MGAM: variants seen among roughly 807,000 people sequenced by gnomAD.
MGAM encodes the protein alpha-1,4-glucosidase.
Under a neutral mutation model 358.8 loss-of-function variants are expected in MGAM, and 253 were observed. The ratio of observed to expected loss-of-function variants is 0.71; its 90% confidence interval spans 0.64 to 0.78. The LOEUF is 0.78. Ranked by LOEUF, MGAM falls within the 30% of genes least tolerant of loss-of-function variation. MGAM has a pLI of 0.00. For missense variants in MGAM, 3,080 were observed against 3,432.6 expected, an observed-to-expected ratio of 0.90 and a Z score of 2.57; for synonymous variants, 1,105 against 1,227.1, an observed-to-expected ratio of 0.90 and a Z score of 2.08.
Position 142,030,504 on chromosome 7 carries a change from C to T in MGAM, c.1353+11C>T. The stretch of plus-strand genomic sequence containing the variant: ...CTTGTCATCATTGTGGTATGTACTG[C>T]CCTCTTTCCACCAAATTAGGTATTT... On this transcript the variant is annotated intron_variant, in intron 11 of 70. Coordinates refer to ENST00000475668, the MANE Select transcript of MGAM (RefSeq NM_001365693.1). 1 of 1,613,326 alleles carries T rather than the reference C, an allele frequency of 6.2e-7. No homozygotes were observed. The highest frequency in any genetic ancestry group is 8.5e-7 in the Non-Finnish European group (1 of 1,179,544).
At chr7:141,988,865 C>T (rs1371007109) in intron 2 of MGAM, among the ~76,000 whole-genome samples, 6 of 152,274 alleles carry the variant, frequency 3.9e-5, no homozygotes, top group Middle Eastern at 3.4e-3. Flanking sequence ...CCACTCTCAC[C>T]TTCCTCTGAA....
At chr7:142,034,431 A>G (rs1807797598) in intron 15 of MGAM, 52 bp downstream of exon 15, 33 of 1,279,092 alleles carry the variant, frequency 2.6e-5, no homozygotes, top group Non-Finnish European at 3.5e-5. Context: ...AAGAATATAT[A>G]TATGTTTTTA....
At chr7:142,075,512 G>A (rs1031142602) in intron 45 of MGAM, among the ~76,000 whole-genome samples, 2 of 146,334 alleles carry the variant, frequency 1.4e-5, no homozygotes, top group African/African-American at 2.4e-5. Flanking sequence ...ACTACAGAAT[G>A]GATAAAAATG....
intron 1 of MGAM, among the ~76,000 whole-genome samples, chr7:141,997,928 A>G (rs1190347868): frequency 6.6e-6 from 1 of 152,210 alleles, no homozygotes; most frequent in African/African-American, 2.4e-5. Flanking sequence ...TTCTTAGTCT[A>G]TCTATCCACA....
chr7:141,994,515 G>A (rs781997671), upstream of MGAM, among the ~76,000 whole-genome samples: 1 of 152,212 alleles, frequency 6.6e-6, no homozygotes, highest in Admixed American at 6.5e-5. Context: ...TCAAGACTAG[G>A]TGGTGTCTGT....
chr7:142,106,147 A>C lies in MGAM; in HGVS notation c.*256A>C. The C allele has an allele frequency of 3.4e-6, 1 of 293,734 alleles. No individual in the cohort carries two copies. The highest frequency in any genetic ancestry group is 4.4e-5 in the South Asian group (1 of 22,864). 18.2% of individuals were successfully genotyped at this position (293,734 alleles called of 1,614,324 possible). On this transcript the variant is annotated 3_prime_UTR_variant, in exon 71 of 71. Coordinates refer to ENST00000475668, the MANE Select transcript of MGAM (RefSeq NM_001365693.1). ...GTGGTTAGTATGGTAGTGACTGTTC[A>C]TCATATGACATTTACTGAAGATGAA...
Position 142,082,179 on chromosome 7 carries a change from G to A in MGAM, c.6140G>A (p.Trp2047Ter), listed in dbSNP as rs745514815. ...AGGAGAGACTTGGAGTGGCACACTT[G>A]GGGGATGTTCTCCCGAGACCAGCCC... is the stretch of plus-strand genomic sequence containing the variant. ...SYRRDLEWHT[W>*]GMFSRDQPPG... Residue 2047 changes from tryptophan to a stop codon, truncating the protein, a stop_gained, in exon 51 of 71, where the codon TGG (tryptophan) becomes TAG (stop). Transcript: ENST00000475668. LOFTEE classifies it high-confidence loss of function. 4 of 1,554,996 alleles carry A rather than the reference G, an allele frequency of 2.6e-6. No individual in the cohort carries two copies. Among genetic ancestry groups the A allele is most frequent in the South Asian group, 1.1e-5 (1 of 89,142 alleles).
Position 142,088,721 on chromosome 7 carries a change from A to ATGTCTGTCTGTC in MGAM, c.6810+2022_6810+2033dup, listed in dbSNP as rs1283708069. On this transcript the variant is annotated intron_variant, in intron 57 of 70. Coordinates refer to ENST00000475668, the MANE Select transcript of MGAM (RefSeq NM_001365693.1). ...ATCCATCCAGCCACCCTATTCATTTATGTCTGTCTGTCTGTCTGTCTGTCT... is the reference window on the plus strand; with the variant it reads ...ATCCATCCAGCCACCCTATTCATTTATGTCTGTCTGTCTGTCTGTCTGTCTGTCTGTCTGTCT... 2.0e-3 allele frequency among the ~76,000 whole-genome samples: 232 copies of ATGTCTGTCTGTC among 118,672 alleles called. 10 individuals are homozygous for ATGTCTGTCTGTC. Among genetic ancestry groups the ATGTCTGTCTGTC allele is most frequent in the Middle Eastern group, 8.8e-3 (2 of 226 alleles). 77.9% of individuals were successfully genotyped at this position (118,672 alleles called of 152,430 possible).
intron 3 of MGAM, 48 bp from the exon 4 acceptor site, chr7:142,019,151 C>A: frequency 6.3e-7 from 1 of 1,583,736 alleles, no homozygotes; most frequent in Non-Finnish European, 8.6e-7. Flanking sequence ...TATAAATGAT[C>A]ATGTTCTACA....
chr7:142,052,999 T>C lies in MGAM; in HGVS notation c.3159+15T>C, dbSNP rs749383763. 2.5e-6 allele frequency: 4 copies of C among 1,612,436 alleles called. No individual in the cohort carries two copies. Among genetic ancestry groups the C allele is most frequent in the South Asian group, 2.2e-5 (2 of 91,024 alleles). Reference sequence around the variant, plus strand: ...TGCAGTTCAAGGTAAACACAGTACATGTATCAGGTAGTGATTAGACCCTTT... The same window carrying C: ...TGCAGTTCAAGGTAAACACAGTACACGTATCAGGTAGTGATTAGACCCTTT... On this transcript the variant is annotated intron_variant, in intron 26 of 70. Coordinates refer to ENST00000475668, the MANE Select transcript of MGAM (RefSeq NM_001365693.1).
At chr7:142,023,544 C>T (rs1277862085) in intron 7 of MGAM, among the ~76,000 whole-genome samples, 13 of 151,960 alleles carry the variant, frequency 8.6e-5, no homozygotes, top group Admixed American at 2.6e-4. Context: ...CAAGGCCCAG[C>T]GAAGCCAAAT....
chr7:142,031,561 A>T, intron 12 of MGAM, 119 bp from the exon 13 acceptor site: 1 of 635,258 alleles, frequency 1.6e-6, no homozygotes, highest in South Asian at 2.2e-5. Context: ...ACTAAAAAGG[A>T]TATGTTCCTG....
intron 35 of MGAM, among the ~76,000 whole-genome samples, 192 bp from the exon 36 acceptor site, chr7:142,063,307 T>C (rs1812410973): frequency 6.6e-6 from 1 of 152,160 alleles, no homozygotes; most frequent in Non-Finnish European, 1.5e-5. Context: ...TTTTTACCCC[T>C]CTAGCCAGTC....
chr7:142,074,100 T>C lies in MGAM; in HGVS notation c.5202T>C (p.Leu1734=). Residue 1734 remains leucine, a synonymous_variant, in exon 45 of 71, where the codon CTT becomes CTC. Coordinates refer to ENST00000475668, the MANE Select transcript of MGAM (RefSeq NM_001365693.1). ...TTCCCCACAGTCGAAAGAACCCTCT[T>C]GGTCTTATTATTGCCCTAGATGAAA... The part of the protein sequence containing the change: ...LNTHLSRKNP[L]GLIIALDENK... 1 of 1,542,696 alleles carries C rather than the reference T, an allele frequency of 6.5e-7. No individual in the cohort carries two copies. The highest frequency in any genetic ancestry group is 2.3e-5 in the East Asian group (1 of 43,890).
rs182910229 is a variant in MGAM at position 142,040,535 on chromosome 7, C to G, written c.2374-187C>G. On this transcript the variant is annotated intron_variant, in intron 20 of 70. Coordinates refer to ENST00000475668, the MANE Select transcript of MGAM (RefSeq NM_001365693.1). ...CCTCAGCATGGCATAAATTTTTTCA[C>G]AAACCCCCAACTGGTAGCAGAACAT... 1,348 of 740,308 alleles carry G rather than the reference C, an allele frequency of 1.8e-3. 3 individuals carry two copies. Among genetic ancestry groups the G allele is most frequent in the Non-Finnish European group, 2.5e-3 (1,189 of 466,680 alleles). The allele number at this position is 740,308 out of a possible 1,614,324, so 45.9% of individuals were successfully genotyped here.
intron 21 of MGAM, among the ~76,000 whole-genome samples, chr7:142,045,687 A>G (rs1226788482): frequency 2.9e-5 from 3 of 104,552 alleles, no homozygotes; most frequent in African/African-American, 1.1e-4. Context: ...TATATATTAT[A>G]TACATACAAT....
intron 1 of MGAM, among the ~76,000 whole-genome samples, chr7:141,999,022 T>G (rs1166004790): frequency 6.6e-6 from 1 of 151,952 alleles, no homozygotes; most frequent in Admixed American, 6.6e-5. Flanking sequence ...TATAACCCAG[T>G]GTATATTTAT....
At chr7:141,996,404 C>T (rs1339463932) in intron 1 of MGAM, among the ~76,000 whole-genome samples, 1 of 151,792 alleles carries the variant, frequency 6.6e-6, no homozygotes, top group Non-Finnish European at 1.5e-5. Flanking sequence ...ACAAAATTCT[C>T]ATTTATCTTT....
chr7:142,059,715 A>G, intron 32 of MGAM, 115 bp downstream of exon 32: 2 of 1,578,118 alleles, frequency 1.3e-6, no homozygotes, highest in Middle Eastern at 1.7e-4. Context: ...TGCAGTAAGA[A>G]AGGTGTATTT....
Sources: gnomAD v4.1 joint callset for allele counts (sites outside exome capture counted in the v4.1 genomes callset) on GRCh38, gnomAD v4.1.1 for gene constraint, MANE v1.5 for transcripts, NCBI Gene and HGNC (gene_info 2026-07-23, HGNC 2026-07-21) for gene names.